The following TASP1 variants were observed in gnomAD, a reference collection of about 807,000 sequenced individuals.
TASP1 encodes threonine aspartase 1.
Under a neutral mutation model 56.6 loss-of-function variants are expected in TASP1, and 16 were observed. The ratio of observed to expected loss-of-function variants is 0.28; its 90% CI spans 0.19 to 0.43. TASP1 has a LOEUF of 0.43. Among genes scored for constraint, TASP1 ranks in the 20% least tolerant of loss-of-function variants. The pLI, the probability that TASP1 is intolerant of heterozygous loss-of-function variation, is 1.00. For synonymous variants in TASP1, 179 were observed against 184.2 expected, an observed-to-expected ratio of 0.97 and a Z score of 0.23; for missense variants, 393 against 511.6, an observed-to-expected ratio of 0.77 and a Z score of 2.24.
the TASP1 span, among the ~76,000 whole-genome samples, chr20:13,134,884 A>G: frequency 6.6e-6 from 1 of 152,218 alleles, no homozygotes; most frequent in African/African-American, 2.4e-5. Context: ...CAAAACATCA[A>G]CGCTGCCCTC....
intron 1 of TASP1, among the ~76,000 whole-genome samples, chr20:13,635,583 T>G (rs1375116674): frequency 6.6e-6 from 1 of 152,044 alleles, no homozygotes; most frequent in Non-Finnish European, 1.5e-5. Flanking sequence ...AGACAGGAAT[T>G]CACTATGTTG....
chr20:13,263,283 T>C, the TASP1 span, among the ~76,000 whole-genome samples: 2 of 152,156 alleles, frequency 1.3e-5, no homozygotes, highest in African/African-American at 4.8e-5. Context: ...TTTTCCCCAG[T>C]GCATCCTGGC....
At chr20:13,525,582 T>A (rs1404232696) in intron 10 of TASP1, among the ~76,000 whole-genome samples, 1 of 152,196 alleles carries the variant, frequency 6.6e-6, no homozygotes, top group Non-Finnish European at 1.5e-5. Flanking sequence ...CGCCTTTCAA[T>A]TATCACCTTC....
At chr20:13,630,396 T>C (rs1370029292) in intron 1 of TASP1, among the ~76,000 whole-genome samples, 7 of 152,136 alleles carry the variant, frequency 4.6e-5, no homozygotes, top group Non-Finnish European at 1.0e-4. Context: ...CCACTGATAG[T>C]ACCTGCTTAG....
At chr20:13,399,287 T>C (rs1361264693) in intron 13 of TASP1, among the ~76,000 whole-genome samples, 1 of 152,208 alleles carries the variant, frequency 6.6e-6, no homozygotes, top group Non-Finnish European at 1.5e-5. Context: ...TAAAAAAATG[T>C]TTATATGCTG....
chr20:13,506,951 G>A (rs993973256), intron 10 of TASP1, among the ~76,000 whole-genome samples: 2 of 150,764 alleles, frequency 1.3e-5, no homozygotes, highest in East Asian at 1.9e-4. Context: ...AAACAAAAAG[G>A]CATCCAAATC....
At chr20:13,386,870 T>C (rs1405371033), downstream of TASP1, among the ~76,000 whole-genome samples, 1 of 152,298 alleles carries the variant, frequency 6.6e-6, no homozygotes, top group East Asian at 1.9e-4. Context: ...TTTTCTGTCT[T>C]TCCAACTTCT....
intron 10 of TASP1, among the ~76,000 whole-genome samples, chr20:13,495,351 T>G (rs1169756127): frequency 6.6e-6 from 1 of 152,248 alleles, no homozygotes; most frequent in East Asian, 1.9e-4. Context: ...AGAGGCCAAA[T>G]AAAGTACCAT....
intron 13 of TASP1, among the ~76,000 whole-genome samples, chr20:13,415,805 C>T (rs758096642): frequency 2.9e-4 from 44 of 152,130 alleles, no homozygotes; most frequent in Non-Finnish European, 5.0e-4. Flanking sequence ...AATCATACCC[C>T]ATCAGACTGG....
chr20:13,354,501 T>C, the TASP1 span, among the ~76,000 whole-genome samples: 1 of 151,970 alleles, frequency 6.6e-6, no homozygotes, highest in Non-Finnish European at 1.5e-5. Flanking sequence ...AACAATTGAG[T>C]TTTAACCAGA....
chr20:13,566,614 T>C (rs148527885), intron 7 of TASP1, among the ~76,000 whole-genome samples: 1 of 151,302 alleles, frequency 6.6e-6, no homozygotes. Flanking sequence ...TTATATTACA[T>C]TCTTGAAATG....
At chr20:13,373,685 T>G in the TASP1 span, among the ~76,000 whole-genome samples, 1 of 152,104 alleles carries the variant, frequency 6.6e-6, no homozygotes. Context: ...ATTTTCTCCT[T>G]GTCTTTGAAT....
chr20:13,314,013 C>T, the TASP1 span, among the ~76,000 whole-genome samples: 1 of 152,166 alleles, frequency 6.6e-6, no homozygotes, highest in Middle Eastern at 3.4e-3. Context: ...GGCTTTTTGG[C>T]AGACTGGACT....
chr20:13,513,037 A>G (rs1032380721), intron 10 of TASP1, among the ~76,000 whole-genome samples: 1 of 152,150 alleles, frequency 6.6e-6, no homozygotes, highest in African/African-American at 2.4e-5. Context: ...AGGTAGCGAG[A>G]TGCCTCCAGC....
intron 8 of TASP1, among the ~76,000 whole-genome samples, chr20:13,553,178 C>T (rs2046038128): frequency 1.3e-5 from 2 of 152,164 alleles, no homozygotes; most frequent in African/African-American, 4.8e-5. Flanking sequence ...CTCCTAGCCT[C>T]AAGTGATCCT....
the TASP1 span, among the ~76,000 whole-genome samples, chr20:13,205,323 T>C: frequency 6.6e-6 from 1 of 152,106 alleles, no homozygotes; most frequent in Non-Finnish European, 1.5e-5. Context: ...TCTCTTCTAG[T>C]ATGTCCCTTC....
intron 10 of TASP1, among the ~76,000 whole-genome samples, chr20:13,485,995 T>C (rs1217209452): frequency 6.6e-6 from 1 of 152,206 alleles, no homozygotes; most frequent in Non-Finnish European, 1.5e-5. Flanking sequence ...GGAATATATA[T>C]ACAGAGCTTT....
chr20:13,254,461 C>G, the TASP1 span, among the ~76,000 whole-genome samples: 14 of 152,138 alleles, frequency 9.2e-5, no homozygotes, highest in East Asian at 2.5e-3. Flanking sequence ...AATACCTGCC[C>G]CCCGCATCTC....
At chr20:13,416,671 C>A (rs1050484494) in intron 13 of TASP1, among the ~76,000 whole-genome samples, 1 of 152,274 alleles carries the variant, frequency 6.6e-6, no homozygotes, top group South Asian at 2.1e-4. Context: ...CACAACTTCA[C>A]AGCTTTATAA....
Sources: gnomAD v4.1 joint callset for allele counts (sites outside exome capture counted in the v4.1 genomes callset) on GRCh38, gnomAD v4.1.1 for gene constraint, MANE v1.5 for transcripts, NCBI Gene and HGNC (gene_info 2026-07-23, HGNC 2026-07-21) for gene names.